Variants in IL17B observed in about 807,000 individuals in gnomAD.
IL17B encodes interleukin 17B.
In IL17B, 14 loss-of-function variants were observed where a neutral mutation model predicts 14.7. The ratio of observed to expected loss-of-function variants is 0.95; its 90% confidence interval spans 0.63 to 1.49. The LOEUF (loss-of-function observed/expected upper bound fraction) is 1.49. IL17B is among the 40% of genes most tolerant of loss of function. The pLI is 0.00. For missense variants in IL17B, 233 were observed against 252.8 expected, an observed-to-expected ratio of 0.92 and a Z score of 0.53; for synonymous variants, 105 against 94.8, an observed-to-expected ratio of 1.11 and a Z score of -0.62.
chr5:149,392,672 C>G (rs1484438952), intron 1 of IL17B, among the ~76,000 whole-genome samples: 1 of 152,092 alleles, frequency 6.6e-6, no homozygotes, highest in Non-Finnish European at 1.5e-5. Context: ...CACAGAACAC[C>G]CTTTGTACCT....
intron 1 of IL17B, among the ~76,000 whole-genome samples, chr5:149,389,285 A>T (rs546083767): frequency 6.6e-6 from 1 of 152,240 alleles, no homozygotes; most frequent in Non-Finnish European, 1.5e-5. Context: ...CCCAAACTAG[A>T]TTTATCCAGT....
chr5:149,388,573 A>G (rs1758874898), intron 1 of IL17B, among the ~76,000 whole-genome samples: 2 of 152,218 alleles, frequency 1.3e-5, no homozygotes, highest in South Asian at 2.1e-4. Flanking sequence ...GCGAATATAC[A>G]GAGCAAAACT....
intron 1 of IL17B, among the ~76,000 whole-genome samples, chr5:149,396,308 A>G (rs1759090640): frequency 6.6e-6 from 1 of 152,240 alleles, no homozygotes. Context: ...TTCAGACCTA[A>G]CAGGGACATG....
At chr5:149,388,623 G>T (rs952804661) in intron 1 of IL17B, among the ~76,000 whole-genome samples, 2 of 152,212 alleles carry the variant, frequency 1.3e-5, no homozygotes, top group Non-Finnish European at 2.9e-5. Flanking sequence ...GGTCAGTATA[G>T]GCCAAGTTGC....
upstream of IL17B, among the ~76,000 whole-genome samples, chr5:149,380,346 T>C (rs1407935141): frequency 6.6e-6 from 1 of 152,206 alleles, no homozygotes; most frequent in African/African-American, 2.4e-5. Context: ...AGCTATTTAT[T>C]ATAGAGATTA....
At chr5:149,383,736 G>A (rs1001781176), upstream of IL17B, among the ~76,000 whole-genome samples, 2 of 152,258 alleles carry the variant, frequency 1.3e-5, no homozygotes, top group African/African-American at 4.8e-5. Flanking sequence ...AGGCCTGGGT[G>A]AATGGGCGGC....
chr5:149,375,825 G>A (rs140444198), intron 2 of IL17B, among the ~76,000 whole-genome samples: 1 of 152,302 alleles, frequency 6.6e-6, no homozygotes, highest in African/African-American at 2.4e-5. Flanking sequence ...GCTGCAGTGA[G>A]CCGAGACCAT....
chr5:149,394,558 G>A (rs372940485), intron 1 of IL17B, among the ~76,000 whole-genome samples: 38 of 152,254 alleles, frequency 2.5e-4, no homozygotes, highest in African/African-American at 8.7e-4. Flanking sequence ...AAACTAATTA[G>A]GACTCTCTAA....
At chr5:149,376,617 C>T (rs957385426) in intron 2 of IL17B, 119 bp downstream of exon 2, 1 of 1,319,832 alleles carries the variant, frequency 7.6e-7, no homozygotes, top group African/African-American at 1.5e-5. Context: ...AGAGGCAGAG[C>T]TAGGGTTCGA....
chr5:149,391,464 C>T (rs1758951602), intron 1 of IL17B, among the ~76,000 whole-genome samples: 1 of 152,224 alleles, frequency 6.6e-6, no homozygotes, highest in Non-Finnish European at 1.5e-5. Flanking sequence ...GGCTTCAGTT[C>T]CCAACCCACA....
chr5:149,380,656 A>G (rs1018109371), upstream of IL17B, among the ~76,000 whole-genome samples: 9 of 152,196 alleles, frequency 5.9e-5, no homozygotes, highest in South Asian at 2.1e-4. Flanking sequence ...GGAGGCAGGA[A>G]TGGCGGGAGG....
intron 1 of IL17B, among the ~76,000 whole-genome samples, chr5:149,390,923 G>C (rs1454860461): frequency 6.6e-6 from 1 of 152,038 alleles, no homozygotes; most frequent in Admixed American, 6.6e-5. Flanking sequence ...GTCAAAAAGG[G>C]TTGGGACCCC....
At chr5:149,403,964 C>T (rs1025114844) in intron 1 of IL17B, 2 of 152,230 alleles carry the variant, frequency 1.3e-5, no homozygotes, top group African/African-American at 2.4e-5. Context: ...CCCATGAGTC[C>T]TCTATTCTCC....
At chr5:149,398,471 A>G (rs2127622854) in intron 1 of IL17B, among the ~76,000 whole-genome samples, 1 of 152,358 alleles carries the variant, frequency 6.6e-6, no homozygotes, top group South Asian at 2.1e-4. Context: ...TTTTGAGAAA[A>G]GAGAGCGGCA....
intron 1 of IL17B, among the ~76,000 whole-genome samples, chr5:149,389,633 G>T (rs751243356): frequency 1.8e-4 from 27 of 152,214 alleles, no homozygotes; most frequent in Non-Finnish European, 2.6e-4. Flanking sequence ...GGGAGGAGGG[G>T]ATCTCCTGGA....
intron 1 of IL17B, among the ~76,000 whole-genome samples, chr5:149,400,390 A>G (rs1404639956): frequency 6.6e-6 from 1 of 152,196 alleles, no homozygotes; most frequent in African/African-American, 2.4e-5. Flanking sequence ...TTCTGCTGAC[A>G]CTTATCTCGG....
chr5:149,382,460 C>T (rs549829041), upstream of IL17B, among the ~76,000 whole-genome samples: 39 of 152,368 alleles, frequency 2.6e-4, no homozygotes, highest in African/African-American at 8.9e-4. Flanking sequence ...ATAGCTGCTA[C>T]TTAATATCCA....
At chr5:149,385,439 C>T (rs528067978) in intron 1 of IL17B, among the ~76,000 whole-genome samples, 2 of 152,334 alleles carry the variant, frequency 1.3e-5, no homozygotes, top group African/African-American at 4.8e-5. Flanking sequence ...CCACCGTACG[C>T]GGCCAGTTTT....
chr5:149,392,296 G>A (rs1439965651), intron 1 of IL17B, among the ~76,000 whole-genome samples: 3 of 152,176 alleles, frequency 2.0e-5, no homozygotes, highest in Non-Finnish European at 2.9e-5. Flanking sequence ...TGTGTTAAAG[G>A]AATCTGTTAG....
Sources: allele counts gnomAD v4.1 joint callset (sites outside exome capture counted in the v4.1 genomes callset), GRCh38; gene constraint gnomAD v4.1.1; transcripts MANE v1.5; gene names NCBI Gene and HGNC (gene_info 2026-07-23, HGNC 2026-07-21).